The following EGFLAM variants were observed in gnomAD, a reference collection of about 807,000 sequenced individuals.
EGFLAM encodes EGF like, fibronectin type III and laminin G domains, also known as pikachurin.
Under a neutral mutation model 113.1 loss-of-function variants are expected in EGFLAM, and 79 were observed. The observed-to-expected ratio is 0.70, with a 90% CI of 0.58 to 0.84. The LOEUF (loss-of-function observed/expected upper bound fraction) is 0.84, where lower values mean the gene tolerates loss of function less well. Among genes scored for constraint, EGFLAM ranks in the 40% least tolerant of loss-of-function variants. The pLI, the probability that EGFLAM is intolerant of heterozygous loss-of-function variation, is 0.00. For synonymous variants in EGFLAM, 504 were observed against 487.6 expected (o/e 1.03, Z -0.44); for missense variants, 1,265 against 1,291.6 (o/e 0.98, Z 0.32).
chr5:38,365,567 T>C (rs552731474), intron 5 of EGFLAM, among the ~76,000 whole-genome samples: 2 of 152,316 alleles, frequency 1.3e-5, no homozygotes, highest in African/African-American at 4.8e-5. Context: ...CAGTGCAGTG[T>C]GTTTCAAATT....
chr5:38,321,699 T>C (rs892582396), intron 1 of EGFLAM, among the ~76,000 whole-genome samples: 1 of 152,192 alleles, frequency 6.6e-6, no homozygotes, highest in African/African-American at 2.4e-5. Flanking sequence ...GCTTTCAGCA[T>C]GGATTGCTCT....
chr5:38,449,587 G>A (rs1170044651), intron 18 of EGFLAM, among the ~76,000 whole-genome samples: 2 of 152,190 alleles, frequency 1.3e-5, no homozygotes, highest in African/African-American at 2.4e-5. Context: ...GGGGAGTAGA[G>A]GGGCTTGATG....
chr5:38,292,255 CA>C lies in EGFLAM; in HGVS notation c.97+33412del, dbSNP rs199694185. On this transcript the variant is annotated intron_variant, in intron 1 of 21. Coordinates refer to ENST00000322350, the MANE Select transcript of EGFLAM (RefSeq NM_152403.4). ...ATTTATAAGTTAATTATACAGTAGA[CA>C]AAAAAAAGCATTTTCTTTTATCTGT... Among the ~76,000 whole-genome samples the C allele has an allele frequency of 3.6e-3, 539 of 151,750 alleles. 12 individuals carry two copies. In the East Asian group the frequency reaches 0.079, roughly 22 times the overall value.
chr5:38,396,132 C>T (rs1264119245), intron 6 of EGFLAM, among the ~76,000 whole-genome samples: 1 of 151,470 alleles, frequency 6.6e-6, no homozygotes, highest in Non-Finnish European at 1.5e-5. Flanking sequence ...TATGAAAACA[C>T]CAATGATCCA....
intron 1 of EGFLAM, among the ~76,000 whole-genome samples, chr5:38,302,926 C>G (rs1758631463): frequency 6.6e-6 from 1 of 152,116 alleles, no homozygotes; most frequent in South Asian, 2.1e-4. Flanking sequence ...CCTGGCTATC[C>G]TCATGCCTTA....
chr5:38,302,467 T>C (rs1324346482), intron 1 of EGFLAM, among the ~76,000 whole-genome samples: 1 of 152,154 alleles, frequency 6.6e-6, no homozygotes, highest in East Asian at 1.9e-4. Flanking sequence ...TAATAATGAC[T>C]ACCTCATAAG....
In EGFLAM at chr5:38,464,121, G is replaced by T; in HGVS notation, c.*135G>T. On this transcript the variant is annotated 3_prime_UTR_variant, in exon 22 of 22. Coordinates refer to ENST00000322350, the MANE Select transcript of EGFLAM (RefSeq NM_152403.4). ...TCTCACCAAGAAGAAAGTACACACT[G>T]ATGAGAAACTGAGAACCAAGACAGG... The T allele has an allele frequency of 8.3e-7, 1 of 1,197,980 alleles. No homozygotes were observed. Among genetic ancestry groups the T allele is most frequent in the Non-Finnish European group, 1.1e-6 (1 of 876,800 alleles). 74.2% of individuals were successfully genotyped at this position (1,197,980 alleles called of 1,614,324 possible).
chr5:38,262,983 C>T (rs1258351145), intron 1 of EGFLAM, among the ~76,000 whole-genome samples: 1 of 151,912 alleles, frequency 6.6e-6, no homozygotes, highest in Non-Finnish European at 1.5e-5. Flanking sequence ...CTCTACAACA[C>T]TTGGTAGAGT....
chr5:38,330,228 A>G (rs1184727652), intron 1 of EGFLAM, among the ~76,000 whole-genome samples: 1 of 150,710 alleles, frequency 6.6e-6, no homozygotes, highest in Non-Finnish European at 1.5e-5. Context: ...AATATTCTGG[A>G]TGTCAATTAG....
At chr5:38,422,181 C>A (rs923995238) in intron 12 of EGFLAM, among the ~76,000 whole-genome samples, 5 of 152,060 alleles carry the variant, frequency 3.3e-5, no homozygotes, top group Non-Finnish European at 7.4e-5. Flanking sequence ...AGTCTTATTT[C>A]TCTTCTACCT....
intron 1 of EGFLAM, among the ~76,000 whole-genome samples, chr5:38,336,490 C>G (rs1662455721): frequency 6.6e-6 from 1 of 151,854 alleles, no homozygotes; most frequent in South Asian, 2.1e-4. Context: ...AGGAGAATGG[C>G]GTGAACCCGG....
chr5:38,268,209 G>A (rs1452837730), intron 1 of EGFLAM, among the ~76,000 whole-genome samples: 5 of 152,104 alleles, frequency 3.3e-5, no homozygotes, highest in Admixed American at 3.3e-4. Flanking sequence ...AAATCTGGGT[G>A]GCTTGACACA....
intron 3 of EGFLAM, among the ~76,000 whole-genome samples, chr5:38,340,526 G>A (rs1161862408): frequency 6.6e-6 from 1 of 152,134 alleles, no homozygotes; most frequent in Non-Finnish European, 1.5e-5. Context: ...CCTGTTTGGA[G>A]GCAGCTTTCA....
In EGFLAM at chr5:38,438,467, G is replaced by T. The variant is rs778932964; in HGVS notation, c.2464+12G>T. On this transcript the variant is annotated intron_variant, in intron 17 of 21. Transcript: ENST00000322350. ...TCACTGCCAGAAAGGTACGCTCAGG[G>T]GTCTGAGGCACAGCTCCCTGGAGGG... 21 of 1,586,798 alleles carry T rather than the reference G, an allele frequency of 1.3e-5. No homozygotes were observed. The highest frequency in any genetic ancestry group is 1.7e-4 in the Middle Eastern group (1 of 5,890).
At chr5:38,261,034 G>A (rs1479913614) in intron 1 of EGFLAM, among the ~76,000 whole-genome samples, 3 of 152,124 alleles carry the variant, frequency 2.0e-5, no homozygotes, top group South Asian at 2.1e-4. Context: ...ATACTGGAGC[G>A]GTTCTGTCTT....
chr5:38,422,738 AG>A (rs1741874515), intron 12 of EGFLAM, among the ~76,000 whole-genome samples: 1 of 152,232 alleles, frequency 6.6e-6, no homozygotes, highest in African/African-American at 2.4e-5. Context: ...AATAAATGGA[AG>A]GTGACAACAG....
At chr5:38,283,861 C>G (rs1758085877) in intron 1 of EGFLAM, 1 of 152,336 alleles carries the variant, frequency 6.6e-6, no homozygotes, top group South Asian at 2.1e-4. Context: ...CGGTTCCATG[C>G]CTGGAGAAAG....
rs145793404 is a variant in EGFLAM at position 38,418,534 on chromosome 5, G to A, written c.1684+279G>A. ...AATTTGGGCCTCATCATGAAATATG[G>A]CATGGTCTTACTGGACAAAGCAACA... is the stretch of plus-strand genomic sequence containing the variant. On this transcript the variant is annotated intron_variant, in intron 12 of 21. Transcript: ENST00000322350. Among the ~76,000 whole-genome samples the A allele has an allele frequency of 3.3e-5, 5 of 152,268 alleles. No individual in the cohort carries two copies. The East Asian group carries it at 9.6e-4, about 29-fold the overall frequency.
intron 1 of EGFLAM, among the ~76,000 whole-genome samples, chr5:38,262,199 T>A (rs759523446): frequency 7.2e-5 from 11 of 152,088 alleles, no homozygotes; most frequent in Non-Finnish European, 1.3e-4. Flanking sequence ...ATCACCTGAG[T>A]CTCACCAGAA....
Sources: gnomAD v4.1 joint callset for allele counts (sites outside exome capture counted in the v4.1 genomes callset) on GRCh38, gnomAD v4.1.1 for gene constraint, MANE v1.5 for transcripts, NCBI Gene and HGNC (gene_info 2026-07-23, HGNC 2026-07-21) for gene names.